Variants in AUTS2 observed in about 807,000 individuals in gnomAD.
AUTS2 encodes activator of transcription and developmental regulator AUTS2.
Under a neutral mutation model 112.4 loss-of-function variants are expected in AUTS2, and 17 were observed. That is an observed-to-expected ratio of 0.15 (90% confidence interval 0.10 to 0.23). The LOEUF (loss-of-function observed/expected upper bound fraction) is 0.23. Ranked by LOEUF, AUTS2 falls within the 10% of genes least tolerant of loss-of-function variation. The pLI, the probability that AUTS2 is intolerant of heterozygous loss-of-function variation, is 1.00. For missense variants in AUTS2, 1,510 were observed against 1,701.6 expected (o/e 0.89, Z 1.98); for synonymous variants, 751 against 702.7 (o/e 1.07, Z -1.09).
intron 2 of AUTS2, among the ~76,000 whole-genome samples, chr7:70,075,357 C>T (rs1802976715): frequency 6.6e-6 from 1 of 152,118 alleles, no homozygotes; most frequent in Non-Finnish European, 1.5e-5. Context: ...GAGTTGGCCT[C>T]TGTACCCCTG....
intron 1 of AUTS2, among the ~76,000 whole-genome samples, chr7:69,735,767 T>C (rs553408014): frequency 6.6e-6 from 1 of 152,344 alleles, no homozygotes; most frequent in East Asian, 1.9e-4. Context: ...CCGTAAGGGC[T>C]GGCCCTTATC....
At chr7:70,582,854 A>G (rs1460984551) in intron 5 of AUTS2, among the ~76,000 whole-genome samples, 1 of 152,204 alleles carries the variant, frequency 6.6e-6, no homozygotes, top group East Asian at 1.9e-4. Context: ...TGTTGTATAT[A>G]TAACCTAGAT....
At chr7:70,498,045 G>A (rs1280593630) in intron 5 of AUTS2, among the ~76,000 whole-genome samples, 1 of 152,198 alleles carries the variant, frequency 6.6e-6, no homozygotes. Flanking sequence ...AAGAAAGCAG[G>A]AAGAGGGGTA....
intron 13 of AUTS2, 113 bp from the exon 14 acceptor site, chr7:70,776,990 T>C (rs1247922559): frequency 2.1e-6 from 2 of 948,168 alleles, no homozygotes; most frequent in Non-Finnish European, 3.4e-6. Context: ...AAAGCACTCT[T>C]GTTTCACGAA....
At chr7:69,962,983 C>A (rs1260838392) in intron 2 of AUTS2, among the ~76,000 whole-genome samples, 1 of 152,120 alleles carries the variant, frequency 6.6e-6, no homozygotes, top group Non-Finnish European at 1.5e-5. Flanking sequence ...TTCAGATGTT[C>A]TGCCAGAGGA....
intron 5 of AUTS2, among the ~76,000 whole-genome samples, chr7:70,669,250 C>T (rs1258426756): frequency 6.6e-6 from 1 of 152,142 alleles, no homozygotes; most frequent in African/African-American, 2.4e-5. Flanking sequence ...AGGGCGGCAA[C>T]GTGTGGTTTG....
At chr7:69,993,249 G>A (rs960080264) in intron 2 of AUTS2, among the ~76,000 whole-genome samples, 10 of 152,122 alleles carry the variant, frequency 6.6e-5, no homozygotes, top group African/African-American at 2.4e-4. Flanking sequence ...CTTTGGTTAT[G>A]TGGCTATTCT....
intron 2 of AUTS2, among the ~76,000 whole-genome samples, chr7:70,025,434 A>G (rs1486425679): frequency 6.8e-6 from 1 of 147,146 alleles, no homozygotes; most frequent in African/African-American, 2.5e-5. Flanking sequence ...ACATATCTAC[A>G]TACTTTTTTT....
intron 5 of AUTS2, among the ~76,000 whole-genome samples, chr7:70,466,809 A>G (rs1324980127): frequency 6.6e-6 from 1 of 152,200 alleles, no homozygotes; most frequent in African/African-American, 2.4e-5. Flanking sequence ...GAGCATTTAA[A>G]GCAGGGATAG....
intron 5 of AUTS2, among the ~76,000 whole-genome samples, chr7:70,445,022 A>G (rs1796266316): frequency 6.6e-6 from 1 of 152,242 alleles, no homozygotes; most frequent in Non-Finnish European, 1.5e-5. Context: ...AATAAGCACC[A>G]CTTCACATGA....
chr7:69,905,172 A>G (rs1321556122), intron 2 of AUTS2, among the ~76,000 whole-genome samples: 1 of 152,246 alleles, frequency 6.6e-6, no homozygotes, highest in African/African-American at 2.4e-5. Flanking sequence ...AATAGTGAGC[A>G]TAAACATCAC....
At chr7:69,916,704 C>G (rs886952956) in intron 2 of AUTS2, among the ~76,000 whole-genome samples, 1 of 152,160 alleles carries the variant, frequency 6.6e-6, no homozygotes, top group African/African-American at 2.4e-5. Flanking sequence ...CCTCTTCCCC[C>G]CATTCTTACA....
Position 70,790,146 on chromosome 7 carries a change from G to A in AUTS2, c.2930G>A (p.Ser977Asn). 2 of 1,610,450 alleles carry A rather than the reference G, an allele frequency of 1.2e-6. No homozygotes were observed. Among genetic ancestry groups the A allele is most frequent in the Non-Finnish European group, 8.5e-7 (1 of 1,178,988 alleles). ...CCGGCCTACGAGAACCCCAAGAAGA[G>A]CTCCGAGGTCAAGGTGAAGGAGGAG... Reference protein sequence around the residue: ...GEPAYENPKKSSEVKVKEERK... With the variant: ...GEPAYENPKKNSEVKVKEERK... The change falls in exon 19 of 19, where the codon AGC (serine) becomes AAC (asparagine). Residue 977 changes from serine to asparagine, a missense_variant. Physicochemically the swap from Ser to Asn is conservative, Grantham distance 46. Coordinates refer to ENST00000342771, the MANE Select transcript of AUTS2 (RefSeq NM_015570.4). This position sits in a 1 kb window ranked among gnomAD's most constrained non-coding sequence, Gnocchi z 7.6.
chr7:69,872,967 C>G (rs1464492440), intron 1 of AUTS2, among the ~76,000 whole-genome samples: 1 of 150,558 alleles, frequency 6.6e-6, no homozygotes, highest in Non-Finnish European at 1.5e-5. Context: ...CTCAGCCTCC[C>G]GAGTAGCTGG....
chr7:70,728,823 T>C (rs901283604), intron 6 of AUTS2, among the ~76,000 whole-genome samples: 24 of 152,132 alleles, frequency 1.6e-4, no homozygotes, highest in African/African-American at 5.8e-4. Flanking sequence ...CATCTTGTAT[T>C]TTTGTGTGTG....
intron 5 of AUTS2, among the ~76,000 whole-genome samples, chr7:70,444,224 G>A (rs894689860): frequency 6.6e-6 from 1 of 152,182 alleles, no homozygotes; most frequent in African/African-American, 2.4e-5. Context: ...CTTCATGTTA[G>A]TGGCCTCTGA....
At position 70,771,984 on chromosome 7, in the gene AUTS2, C is replaced by T. The variant is rs555258380; in HGVS notation, c.1830+340C>T. ...TTCTATGAAATATCAGACACATGTG[C>T]GCCAGGTTGTTCCGCAGGTGTATGT... On this transcript the variant is annotated intron_variant, in intron 11 of 18. Coordinates refer to ENST00000342771, the MANE Select transcript of AUTS2 (RefSeq NM_015570.4). Among the ~76,000 whole-genome samples, 49 of 152,234 alleles carry T rather than the reference C, an allele frequency of 3.2e-4. 1 individual carries two copies. In the South Asian group the frequency reaches 9.1e-3, roughly 28 times the overall value.
At chr7:70,042,595 C>T (rs575205261) in intron 2 of AUTS2, among the ~76,000 whole-genome samples, 43 of 152,274 alleles carry the variant, frequency 2.8e-4, no homozygotes, top group South Asian at 1.0e-3. Flanking sequence ...ACTGCCTCGT[C>T]GTCCTATAGC....
At chr7:70,122,476 A>G (rs1805731782) in intron 3 of AUTS2, among the ~76,000 whole-genome samples, 1 of 151,830 alleles carries the variant, frequency 6.6e-6, no homozygotes, top group Non-Finnish European at 1.5e-5. Flanking sequence ...TCCTGTTTCT[A>G]TTGGTTGTTT....
Sources: allele counts gnomAD v4.1 joint callset (sites outside exome capture counted in the v4.1 genomes callset), GRCh38; gene constraint gnomAD v4.1.1; non-coding constraint Gnocchi (gnomAD v3.1); transcripts MANE v1.5; gene names NCBI Gene and HGNC (gene_info 2026-07-23, HGNC 2026-07-21).